GALNTL6: variants seen among roughly 807,000 people sequenced by gnomAD.
The protein encoded by GALNTL6 is polypeptide N-acetylgalactosaminyltransferase like 6.
Under a neutral mutation model 73.7 loss-of-function variants are expected in GALNTL6, and 46 were observed. That is an observed-to-expected ratio of 0.62 (90% CI 0.49 to 0.80). The LOEUF (loss-of-function observed/expected upper bound fraction) is 0.80. Among genes scored for constraint, GALNTL6 ranks in the 30% least tolerant of loss-of-function variants. The pLI is 0.00. For missense variants in GALNTL6, 604 were observed against 755.0 expected (o/e 0.80, Z 2.34); for synonymous variants, 259 against 263.7 (o/e 0.98, Z 0.17).
chr4:172,518,021 A>G (rs565187072), intron 5 of GALNTL6, among the ~76,000 whole-genome samples: 1 of 152,108 alleles, frequency 6.6e-6, no homozygotes, highest in South Asian at 2.1e-4. Flanking sequence ...AATTTTCCAA[A>G]ACAGTCTCAA....
intron 2 of GALNTL6, among the ~76,000 whole-genome samples, chr4:171,996,683 C>G (rs1013776258): frequency 2.9e-5 from 4 of 140,198 alleles, no homozygotes; most frequent in African/African-American, 1.2e-4. Flanking sequence ...GAAACATTCT[C>G]TTGGGCCACA....
At chr4:172,823,547 G>T (rs535120431) in intron 7 of GALNTL6, among the ~76,000 whole-genome samples, 5 of 152,302 alleles carry the variant, frequency 3.3e-5, no homozygotes, top group Admixed American at 3.3e-4. Context: ...TTGAAAAAGG[G>T]ATGACAGTTT....
intron 7 of GALNTL6, among the ~76,000 whole-genome samples, chr4:172,866,617 G>A (rs114789784): frequency 2.0e-5 from 3 of 152,024 alleles, no homozygotes; most frequent in African/African-American, 7.2e-5. Context: ...CGGTCCCTCC[G>A]CTCAACCAGC....
chr4:172,443,974 GGTGGCTAT>G (rs1731930309), intron 5 of GALNTL6, among the ~76,000 whole-genome samples: 6 of 152,138 alleles, frequency 3.9e-5, no homozygotes, highest in Admixed American at 3.9e-4. Context: ...AAATCACCTT[GGTGGCTAT>G]GTGGTAGCAG....
chr4:172,716,947 G>A (rs1341424827), intron 5 of GALNTL6, among the ~76,000 whole-genome samples: 1 of 152,048 alleles, frequency 6.6e-6, no homozygotes, highest in African/African-American at 2.4e-5. Flanking sequence ...TTAAAATGTG[G>A]CTGATAAATA....
chr4:172,987,980 A>G (rs1314225375), intron 10 of GALNTL6, among the ~76,000 whole-genome samples: 1 of 152,200 alleles, frequency 6.6e-6, no homozygotes, highest in Non-Finnish European at 1.5e-5. Flanking sequence ...AAAGCAGTGA[A>G]AGAATGGACT....
rs189801040 is a variant in GALNTL6 at position 172,603,106 on chromosome 4, G to A, written c.554-206255G>A. Among the ~76,000 whole-genome samples, 314 of 152,254 alleles carry A rather than the reference G, an allele frequency of 2.1e-3. 1 individual carries two copies. Among genetic ancestry groups the A allele is most frequent in the Non-Finnish European group, 3.5e-3 (241 of 68,016 alleles). ...GGGGTCAGAGGCAGGATTGTTGATGGCAAAGGGCACAGGGATTTTTCTAGA... is the reference window on the plus strand; with the variant it reads ...GGGGTCAGAGGCAGGATTGTTGATGACAAAGGGCACAGGGATTTTTCTAGA... On this transcript the variant is annotated intron_variant, in intron 5 of 12. Coordinates refer to ENST00000506823, the MANE Select transcript of GALNTL6 (RefSeq NM_001034845.3).
chr4:172,727,392 T>TA (rs1735880630), intron 5 of GALNTL6, among the ~76,000 whole-genome samples: 1 of 152,206 alleles, frequency 6.6e-6, no homozygotes, highest in African/African-American at 2.4e-5. Context: ...ACGAATTCAG[T>TA]AAATAATCAT....
chr4:173,035,224 G>A, intron 12 of GALNTL6, among the ~76,000 whole-genome samples: 1 of 150,510 alleles, frequency 6.6e-6, no homozygotes, highest in South Asian at 2.1e-4. Context: ...TGTTGCCTGG[G>A]CTGGAGTGCA....
At chr4:172,128,619 CT>C in intron 2 of GALNTL6, among the ~76,000 whole-genome samples, 1 of 152,186 alleles carries the variant, frequency 6.6e-6, no homozygotes, top group African/African-American at 2.4e-5. Flanking sequence ...ATTATTTTAT[CT>C]TTTTTCCTCT....
At chr4:172,111,231 T>C (rs892773556) in intron 2 of GALNTL6, among the ~76,000 whole-genome samples, 2 of 152,060 alleles carry the variant, frequency 1.3e-5, no homozygotes, top group African/African-American at 2.4e-5. Flanking sequence ...GTAAGAACTT[T>C]CACTTTTTGG....
intron 10 of GALNTL6, among the ~76,000 whole-genome samples, chr4:172,999,280 C>T (rs188381270): frequency 5.1e-4 from 77 of 152,318 alleles, no homozygotes; most frequent in African/African-American, 1.7e-3. Flanking sequence ...GAGGGCTGCT[C>T]TCTTCCACCC....
intron 7 of GALNTL6, among the ~76,000 whole-genome samples, chr4:172,831,662 C>T (rs1334616481): frequency 2.0e-5 from 3 of 152,144 alleles, no homozygotes; most frequent in African/African-American, 4.8e-5. Flanking sequence ...AAGGGCCTTG[C>T]TATGACCTAA....
At chr4:172,041,678 C>T (rs939381485) in intron 2 of GALNTL6, among the ~76,000 whole-genome samples, 1 of 151,982 alleles carries the variant, frequency 6.6e-6, no homozygotes, top group Non-Finnish European at 1.5e-5. Context: ...TTATGGTATG[C>T]CTGGCCCTTT....
At chr4:171,921,667 C>A (rs901373906) in intron 2 of GALNTL6, among the ~76,000 whole-genome samples, 2 of 152,016 alleles carry the variant, frequency 1.3e-5, no homozygotes, top group African/African-American at 4.8e-5. Context: ...ATTCTGAGAA[C>A]AATTTTTATT....
chr4:172,532,899 A>T (rs976823410), intron 5 of GALNTL6, among the ~76,000 whole-genome samples: 5 of 152,204 alleles, frequency 3.3e-5, no homozygotes, highest in South Asian at 2.1e-4. Flanking sequence ...AGGGGAAGAG[A>T]TTGCATAATA....
In GALNTL6 at chr4:172,144,952, T is replaced by A. The variant is rs190010184; in HGVS notation, c.139-84704T>A. Among the ~76,000 whole-genome samples the A allele has an allele frequency of 1.9e-3, 296 of 152,170 alleles. 1 individual carries two copies. The highest frequency in any genetic ancestry group is 6.7e-3 in the African/African-American group (277 of 41,532). On this transcript the variant is annotated intron_variant, in intron 2 of 12. Coordinates refer to ENST00000506823, the MANE Select transcript of GALNTL6 (RefSeq NM_001034845.3). ...GCATTTCTTTAGTGGATTTAAGTCT[T>A]ATGGAAATACAACATTTTTTTTTGA...
chr4:172,596,987 C>T (rs1414919952), intron 5 of GALNTL6, among the ~76,000 whole-genome samples: 2 of 152,088 alleles, frequency 1.3e-5, no homozygotes, highest in Admixed American at 1.3e-4. Context: ...AAGGAAAATA[C>T]AGTAATTTGA....
At chr4:172,115,325 C>T (rs1487130794) in intron 2 of GALNTL6, among the ~76,000 whole-genome samples, 2 of 151,960 alleles carry the variant, frequency 1.3e-5, no homozygotes, top group African/African-American at 2.4e-5. Context: ...TTTAGAATTG[C>T]TTCAGGAAGG....
Sources: allele counts gnomAD v4.1 joint callset (sites outside exome capture counted in the v4.1 genomes callset), GRCh38; gene constraint gnomAD v4.1.1; transcripts MANE v1.5; gene names NCBI Gene and HGNC (gene_info 2026-07-23, HGNC 2026-07-21).